Variants in AKAP7 observed in about 807,000 individuals in gnomAD.
AKAP7 encodes A-kinase anchoring protein 7.
Under a neutral mutation model 39.5 loss-of-function variants are expected in AKAP7, and 39 were observed. The observed-to-expected ratio is 0.99, with a 90% CI of 0.76 to 1.29. AKAP7 has a LOEUF of 1.29. Among genes scored for constraint, AKAP7 ranks in the 50% most tolerant of loss-of-function variants. The pLI, the probability that AKAP7 is intolerant of heterozygous loss-of-function variation, is 0.00. For missense variants in AKAP7, 414 were observed against 407.7 expected, an observed-to-expected ratio of 1.02 and a Z score of -0.13; for synonymous variants, 140 against 139.1, an observed-to-expected ratio of 1.01 and a Z score of -0.05.
chr6:131,250,361 T>G (rs1812343188), intron 7 of AKAP7: 1 of 1,394,238 alleles, frequency 7.2e-7, no homozygotes, highest in African/African-American at 1.4e-5. Flanking sequence ...GCTGGAGGAC[T>G]GGAGGTGGAG....
At chr6:131,264,741 T>A (rs1268054869) in intron 7 of AKAP7, among the ~76,000 whole-genome samples, 1 of 152,158 alleles carries the variant, frequency 6.6e-6, no homozygotes, top group African/African-American at 2.4e-5. Context: ...GGCTCACAGT[T>A]CTGCACGCTG....
At chr6:131,178,893 G>A (rs1199878887) in intron 5 of AKAP7, among the ~76,000 whole-genome samples, 2 of 152,082 alleles carry the variant, frequency 1.3e-5, no homozygotes, top group South Asian at 2.1e-4. Context: ...CTGCCTTATC[G>A]TGGTCCTCTC....
In AKAP7 at chr6:131,250,276, T is replaced by A. The variant is rs111924173; in HGVS notation, c.850+30468T>A. 332 of 1,200,404 alleles carry A rather than the reference T, an allele frequency of 2.8e-4. 1 individual carries two copies. In the African/African-American group the frequency reaches 4.6e-3, roughly 17 times the overall value. The allele number at this position is 1,200,404 out of a possible 1,614,324, so 74.4% of individuals were successfully genotyped here. On this transcript the variant is annotated intron_variant, in intron 7 of 7. Transcript: ENST00000431975. ...ATGGCACTGACCTATGGCCAGGGAC[T>A]CACAGTTTTGTGAGAATACGGGAGC...
At chr6:131,137,168 A>C (rs933168148) in intron 1 of AKAP7, among the ~76,000 whole-genome samples, 4 of 151,088 alleles carry the variant, frequency 2.6e-5, no homozygotes, top group Admixed American at 1.3e-4. Flanking sequence ...GGGTCTTGCC[A>C]TGTCACCAAG....
chr6:131,134,822 T>C (rs894841567), upstream of AKAP7, among the ~76,000 whole-genome samples: 5 of 152,236 alleles, frequency 3.3e-5, no homozygotes, highest in African/African-American at 4.8e-5. Context: ...CGCTAATTTG[T>C]GGACGGATGC....
Position 131,282,322 on chromosome 6 carries a change from GTTTT to G in AKAP7, c.*600_*603del. On this transcript the variant is annotated 3_prime_UTR_variant, in exon 8 of 8. Coordinates refer to ENST00000431975, the MANE Select transcript of AKAP7 (RefSeq NM_016377.4). The stretch of plus-strand genomic sequence containing the variant: ...TATAAAATGTGGGCAACATTTTAAA[GTTTT>G]TTTAAAATCCTATTTTGATAAGTCA... 7.4e-7 allele frequency: 1 copy of G among 1,359,308 alleles called. No individual in the cohort carries two copies. 84.2% of individuals were successfully genotyped at this position (1,359,308 alleles called of 1,614,324 possible).
intron 2 of AKAP7, among the ~76,000 whole-genome samples, chr6:131,152,027 T>C (rs1801960971): frequency 6.6e-6 from 1 of 152,168 alleles, no homozygotes; most frequent in African/African-American, 2.4e-5. Context: ...TTACATAAAA[T>C]TACACGTGGT....
upstream of AKAP7, among the ~76,000 whole-genome samples, chr6:131,131,469 T>TTC (rs1041175807): frequency 6.6e-5 from 1 of 15,072 alleles, no homozygotes; most frequent in African/African-American, 1.3e-4. Context: ...CTTTCTTTCT[T>TTC]TTTTTTTTTT....
At chr6:131,270,151 G>T (rs947763125) in intron 7 of AKAP7, among the ~76,000 whole-genome samples, 1 of 152,162 alleles carries the variant, frequency 6.6e-6, no homozygotes, top group African/African-American at 2.4e-5. Flanking sequence ...GTTGTAATCA[G>T]CACAGAGTCA....
At chr6:131,260,444 C>T (rs1813220308) in intron 7 of AKAP7, among the ~76,000 whole-genome samples, 1 of 152,158 alleles carries the variant, frequency 6.6e-6, no homozygotes, top group African/African-American at 2.4e-5. Context: ...GTTCCTGTTT[C>T]TCCAGCCTCG....
chr6:131,248,284 A>C (rs1380717258), intron 7 of AKAP7, among the ~76,000 whole-genome samples: 1 of 152,218 alleles, frequency 6.6e-6, no homozygotes, highest in African/African-American at 2.4e-5. Context: ...AAAGATATCA[A>C]AACTCTGACC....
chr6:131,218,987 C>G (rs982189934), intron 6 of AKAP7, among the ~76,000 whole-genome samples: 1 of 151,910 alleles, frequency 6.6e-6, no homozygotes, highest in Admixed American at 6.6e-5. Flanking sequence ...GTATCTATTT[C>G]GCTGGGCGCA....
At chr6:131,130,272 C>T in the AKAP7 span, among the ~76,000 whole-genome samples, 7 of 152,326 alleles carry the variant, frequency 4.6e-5, no homozygotes, top group South Asian at 1.2e-3. Context: ...CTGCTCTACT[C>T]TTAGCAGAGT....
At chr6:131,139,100 A>G (rs968918346) in intron 1 of AKAP7, among the ~76,000 whole-genome samples, 2 of 152,230 alleles carry the variant, frequency 1.3e-5, no homozygotes, top group South Asian at 4.1e-4. Context: ...ACCTTCTATA[A>G]GAGAAAGTGT....
At chr6:131,241,577 A>ATATATATATGTG (rs1349874555) in intron 7 of AKAP7, among the ~76,000 whole-genome samples, 1 of 81,248 alleles carries the variant, frequency 1.2e-5, no homozygotes, top group African/African-American at 5.3e-5. Context: ...GATTATATAT[A>ATATATATATGTG]TGTGTGTGTG....
chr6:131,135,805 G>A, intron 1 of AKAP7, 23 bp downstream of exon 1: 2 of 1,227,492 alleles, frequency 1.6e-6, no homozygotes, highest in Non-Finnish European at 2.0e-6. Flanking sequence ...TGTCCAGCGG[G>A]CCGGGGCGGG....
chr6:131,235,856 T>G (rs1435863919), intron 7 of AKAP7, among the ~76,000 whole-genome samples: 7 of 152,206 alleles, frequency 4.6e-5, no homozygotes, highest in Admixed American at 3.3e-4. Context: ...CCATTCTGTA[T>G]GTTGCCTGTT....
At chr6:131,184,585 G>T in intron 5 of AKAP7, 1 of 732,272 alleles carries the variant, frequency 1.4e-6, no homozygotes, top group South Asian at 1.5e-5. Flanking sequence ...ATGGAGGCAA[G>T]ATGGATGCCC....
At position 131,224,820 on chromosome 6, in the gene AKAP7, C is replaced by T. The variant is rs72991601; in HGVS notation, c.850+5012C>T. Among the ~76,000 whole-genome samples, 310 of 135,776 alleles carry T rather than the reference C, an allele frequency of 2.3e-3. 2 individuals carry two copies. The highest frequency in any genetic ancestry group is 3.2e-3 in the Admixed American group (38 of 11,836). The allele number at this position is 135,776 out of a possible 152,430, so 89.1% of individuals were successfully genotyped here. Reference sequence around the variant, plus strand: ...GCAATGGCTTAATTTTGGCTTACCACAACCTCTACAACCTCCACCTCCTGG... The same window carrying T: ...GCAATGGCTTAATTTTGGCTTACCATAACCTCTACAACCTCCACCTCCTGG... On this transcript the variant is annotated intron_variant, in intron 7 of 7. Transcript: ENST00000431975.
Sources: allele counts gnomAD v4.1 joint callset (sites outside exome capture counted in the v4.1 genomes callset), GRCh38; gene constraint gnomAD v4.1.1; transcripts MANE v1.5; gene names NCBI Gene and HGNC (gene_info 2026-07-23, HGNC 2026-07-21).